The following PSD3 variants were observed in gnomAD, a reference collection of about 807,000 sequenced individuals.
PSD3 encodes the protein pleckstrin and Sec7 domain containing 3.
In PSD3, 49 loss-of-function variants were observed where a neutral mutation model predicts 105.5. The ratio of observed to expected loss-of-function variants is 0.46; its 90% confidence interval spans 0.37 to 0.59. PSD3 has a LOEUF of 0.59. Ranked by LOEUF, PSD3 falls within the 20% of genes least tolerant of loss-of-function variation. PSD3 has a pLI of 0.00. For missense variants in PSD3, 1,561 were observed against 1,263.8 expected, an observed-to-expected ratio of 1.24 and a Z score of -3.57; for synonymous variants, 557 against 457.8, an observed-to-expected ratio of 1.22 and a Z score of -2.77.
At chr8:18,922,643 C>G (rs1339081626) in intron 2 of PSD3, among the ~76,000 whole-genome samples, 24 of 152,296 alleles carry the variant, frequency 1.6e-4, no homozygotes, top group African/African-American at 5.3e-4. Flanking sequence ...GGGACTCAGT[C>G]TCCAAGACTG....
chr8:18,918,871 C>A (rs796176866), intron 2 of PSD3, among the ~76,000 whole-genome samples: 11 of 152,174 alleles, frequency 7.2e-5, no homozygotes, highest in African/African-American at 2.6e-4. Flanking sequence ...ACCATTCAGT[C>A]GTCATTCATA....
intron 2 of PSD3, among the ~76,000 whole-genome samples, chr8:18,874,309 G>A (rs574046677): frequency 5.3e-5 from 8 of 151,778 alleles, no homozygotes; most frequent in East Asian, 2.0e-4. Flanking sequence ...CTACAGGTGC[G>A]TGCCACCATG....
At chr8:18,745,942 GATAAAGT>G (rs1804975073) in intron 9 of PSD3, among the ~76,000 whole-genome samples, 1 of 152,202 alleles carries the variant, frequency 6.6e-6, no homozygotes, top group Admixed American at 6.5e-5. Flanking sequence ...CTAGTATACA[GATAAAGT>G]AATGATAGAG....
intron 1 of PSD3, among the ~76,000 whole-genome samples, chr8:19,054,323 A>G (rs1034633637): frequency 6.6e-6 from 1 of 152,206 alleles, no homozygotes; most frequent in Non-Finnish European, 1.5e-5. Flanking sequence ...TCAGGAGTTT[A>G]TCTGTGAGAG....
chr8:18,940,962 A>G lies in PSD3; in HGVS notation c.22-4820T>C, dbSNP rs147655055. 2.8e-3 allele frequency among the ~76,000 whole-genome samples: 427 copies of G among 152,220 alleles called. 3 individuals carry two copies. Among genetic ancestry groups the G allele is most frequent in the African/African-American group, 9.8e-3 (406 of 41,508 alleles). On this transcript the variant is annotated intron_variant, in intron 1 of 15. Coordinates refer to ENST00000327040, the MANE Select transcript of PSD3 (RefSeq NM_015310.4). ...ACTGGGGGGTTATTCTTACCAAACA[A>G]TTAGTTATTCTTGAAGCTGTGAGCC...
At chr8:18,987,755 G>A (rs1367235625) in intron 1 of PSD3, among the ~76,000 whole-genome samples, 1 of 152,156 alleles carries the variant, frequency 6.6e-6, no homozygotes, top group Admixed American at 6.5e-5. Flanking sequence ...AGAGGCAGCA[G>A]TGAGCCGTGA....
intron 1 of PSD3, among the ~76,000 whole-genome samples, chr8:19,069,886 A>AT (rs1203461769): frequency 6.6e-6 from 1 of 152,006 alleles, no homozygotes; most frequent in Non-Finnish European, 1.5e-5. Context: ...CAATATTGCT[A>AT]TTTTTAGTTG....
intron 1 of PSD3, among the ~76,000 whole-genome samples, chr8:19,083,063 C>T (rs987412124): frequency 2.6e-5 from 4 of 152,074 alleles, no homozygotes; most frequent in African/African-American, 7.2e-5. Context: ...GAGGCCCCTG[C>T]CAGATGCTGT....
intron 1 of PSD3, among the ~76,000 whole-genome samples, chr8:18,976,794 G>C (rs575157310): frequency 2.0e-5 from 3 of 152,132 alleles, no homozygotes; most frequent in Non-Finnish European, 4.4e-5. Context: ...AGTACCATTA[G>C]TATGACAATA....
intron 14 of PSD3, among the ~76,000 whole-genome samples, chr8:18,567,643 C>G (rs1801875242): frequency 6.6e-6 from 1 of 152,154 alleles, no homozygotes; most frequent in African/African-American, 2.4e-5. Flanking sequence ...CCTGAAACCA[C>G]AGATTCTTCC....
chr8:18,736,045 C>G (rs1020646145), intron 9 of PSD3, among the ~76,000 whole-genome samples: 1 of 152,102 alleles, frequency 6.6e-6, no homozygotes, highest in African/African-American at 2.4e-5. Context: ...TAGCTTCTGA[C>G]AAATTTCAAC....
At chr8:18,923,548 T>C (rs112007603) in intron 2 of PSD3, among the ~76,000 whole-genome samples, 24 of 152,328 alleles carry the variant, frequency 1.6e-4, no homozygotes, top group African/African-American at 5.5e-4. Flanking sequence ...TTTCTATGTT[T>C]AGACATACAA....
At chr8:18,613,257 T>TGATTCCA (rs2130658801) in intron 11 of PSD3, among the ~76,000 whole-genome samples, 1 of 152,206 alleles carries the variant, frequency 6.6e-6, no homozygotes, top group Admixed American at 6.5e-5. Context: ...AAGCCCACCC[T>TGATTCCA]TTTCCCCAAA....
chr8:18,627,160 G>C (rs919452416), intron 11 of PSD3, among the ~76,000 whole-genome samples: 2 of 152,060 alleles, frequency 1.3e-5, no homozygotes, highest in African/African-American at 4.8e-5. Flanking sequence ...AGTTAAGACT[G>C]GCTTACTGCT....
intron 1 of PSD3, among the ~76,000 whole-genome samples, chr8:18,964,773 C>T (rs1039400739): frequency 2.0e-5 from 3 of 152,144 alleles, no homozygotes; most frequent in Admixed American, 2.0e-4. Flanking sequence ...TACATCCAAG[C>T]CACCCTTTTA....
intron 2 of PSD3, among the ~76,000 whole-genome samples, chr8:18,927,589 G>C (rs1179100381): frequency 6.6e-6 from 1 of 152,148 alleles, no homozygotes; most frequent in East Asian, 1.9e-4. Flanking sequence ...TCAGCCCTTC[G>C]CTCCTCCCAG....
chr8:18,787,842 T>C (rs79296708), intron 8 of PSD3, among the ~76,000 whole-genome samples: 2,932 of 152,294 alleles, frequency 0.019, 91 homozygotes, highest in African/African-American at 0.065. Flanking sequence ...AAACAATTTT[T>C]AGTAAAGAAT....
chr8:18,972,663 A>G (rs1824722419), intron 1 of PSD3, among the ~76,000 whole-genome samples: 1 of 152,200 alleles, frequency 6.6e-6, no homozygotes, highest in African/African-American at 2.4e-5. Context: ...CATCAATGGG[A>G]TCAGTGCCTT....
intron 9 of PSD3, among the ~76,000 whole-genome samples, chr8:18,762,672 G>A (rs546414835): frequency 4.9e-4 from 74 of 152,286 alleles, no homozygotes; most frequent in Non-Finnish European, 9.9e-4. Flanking sequence ...AACAACGAAA[G>A]CTGCAATGGA....
Sources: allele counts gnomAD v4.1 joint callset (sites outside exome capture counted in the v4.1 genomes callset), GRCh38; gene constraint gnomAD v4.1.1; transcripts MANE v1.5; gene names NCBI Gene and HGNC (gene_info 2026-07-23, HGNC 2026-07-21).